Variants in KCNJ6 observed in about 807,000 individuals in gnomAD.
KCNJ6 encodes potassium inwardly rectifying channel subfamily J member 6.
KCNJ6 carries 9 observed loss-of-function variants against 34.2 expected under a neutral mutation model. The observed-to-expected ratio is 0.26, with a 90% CI of 0.16 to 0.46. The LOEUF (loss-of-function observed/expected upper bound fraction) is 0.46. Among genes scored for constraint, KCNJ6 ranks in the 20% least tolerant of loss-of-function variants. The probability of loss-of-function intolerance (pLI) is 1.00; values close to 1 mark genes in which losing one functional copy is unlikely to be tolerated. For missense variants in KCNJ6, 236 were observed against 531.3 expected, an observed-to-expected ratio of 0.44 and a Z score of 5.46; for synonymous variants, 196 against 207.1, an observed-to-expected ratio of 0.95 and a Z score of 0.46.
chr21:37,906,962 A>T (rs2055844667), intron 1 of KCNJ6, among the ~76,000 whole-genome samples: 1 of 152,090 alleles, frequency 6.6e-6, no homozygotes, highest in Non-Finnish European at 1.5e-5. Flanking sequence ...GAAGGAATCT[A>T]CCCCATTCGT....
At chr21:37,878,400 A>T (rs186133470) in intron 1 of KCNJ6, among the ~76,000 whole-genome samples, 3 of 152,226 alleles carry the variant, frequency 2.0e-5, no homozygotes, top group Non-Finnish European at 4.4e-5. Flanking sequence ...CAGAATTGCA[A>T]TGATTTGCTT....
intron 1 of KCNJ6, among the ~76,000 whole-genome samples, chr21:37,912,588 G>T (rs140323639): frequency 6.6e-6 from 1 of 152,200 alleles, no homozygotes; most frequent in Non-Finnish European, 1.5e-5. Context: ...GAACAGCTGC[G>T]TTGTTTAATA....
chr21:37,862,328 G>A (rs2055598712), intron 1 of KCNJ6, among the ~76,000 whole-genome samples: 1 of 152,206 alleles, frequency 6.6e-6, no homozygotes, highest in Non-Finnish European at 1.5e-5. Flanking sequence ...TTTTTGGCAA[G>A]CAGAGAAGTC....
At chr21:37,667,636 C>CG (rs2054522357) in intron 3 of KCNJ6, among the ~76,000 whole-genome samples, 1 of 77,762 alleles carries the variant, frequency 1.3e-5, no homozygotes, top group Non-Finnish European at 3.5e-5. Flanking sequence ...ACCGGGGTAG[C>CG]AGGTCCAGGG....
intron 3 of KCNJ6, among the ~76,000 whole-genome samples, chr21:37,642,022 A>G (rs2054383171): frequency 6.6e-6 from 1 of 152,214 alleles, no homozygotes; most frequent in Non-Finnish European, 1.5e-5. Context: ...TGGTGGTGCC[A>G]CTGGGAATCT....
intron 1 of KCNJ6, among the ~76,000 whole-genome samples, chr21:37,861,100 G>T (rs995849328): frequency 6.6e-6 from 1 of 152,222 alleles, no homozygotes; most frequent in Non-Finnish European, 1.5e-5. Context: ...GGCAGGAGGT[G>T]AGGACTACAT....
intron 2 of KCNJ6, among the ~76,000 whole-genome samples, chr21:37,763,980 CCT>C (rs2055078537): frequency 6.6e-6 from 1 of 152,144 alleles, no homozygotes; most frequent in African/African-American, 2.4e-5. Context: ...TTGTTTTACC[CCT>C]GACTCATCTC....
chr21:37,889,817 G>GCA (rs1169798527), intron 1 of KCNJ6, among the ~76,000 whole-genome samples: 1 of 152,076 alleles, frequency 6.6e-6, no homozygotes, highest in Non-Finnish European at 1.5e-5. Context: ...CCTCTTTTAA[G>GCA]CACACCAGTC....
chr21:37,910,492 A>G (rs1442061376), intron 1 of KCNJ6, among the ~76,000 whole-genome samples: 3 of 152,254 alleles, frequency 2.0e-5, no homozygotes, highest in Non-Finnish European at 4.4e-5. Context: ...CTCACATTGC[A>G]TATAATACCT....
intron 1 of KCNJ6, among the ~76,000 whole-genome samples, chr21:37,913,330 G>A (rs3787871): frequency 1.3e-5 from 2 of 152,142 alleles, no homozygotes; most frequent in Non-Finnish European, 2.9e-5. Context: ...GACTCCTCTC[G>A]GTTTCCTACG....
At chr21:37,911,141 A>G (rs528438612) in intron 1 of KCNJ6, among the ~76,000 whole-genome samples, 1 of 152,314 alleles carries the variant, frequency 6.6e-6, no homozygotes, top group East Asian at 1.9e-4. Context: ...GCCAGAGGAA[A>G]TTCAGAATAC....
At chr21:37,845,162 G>A (rs753922101) in intron 1 of KCNJ6, among the ~76,000 whole-genome samples, 14 of 152,156 alleles carry the variant, frequency 9.2e-5, no homozygotes, top group Non-Finnish European at 1.5e-4. Flanking sequence ...GTATTTTAAG[G>A]TGAAAAAGAC....
chr21:37,634,198 T>A (rs960472449), intron 3 of KCNJ6, among the ~76,000 whole-genome samples: 3 of 152,188 alleles, frequency 2.0e-5, no homozygotes, highest in Non-Finnish European at 4.4e-5. Context: ...GGTGTTTGGG[T>A]CATGGGGTGC....
At chr21:37,869,357 A>G (rs2055638932) in intron 1 of KCNJ6, among the ~76,000 whole-genome samples, 1 of 152,248 alleles carries the variant, frequency 6.6e-6, no homozygotes, top group Non-Finnish European at 1.5e-5. Flanking sequence ...AATTCATAGA[A>G]ATAATCCAAG....
intron 2 of KCNJ6, among the ~76,000 whole-genome samples, chr21:37,721,825 T>C (rs550900000): frequency 1.8e-4 from 27 of 152,318 alleles, no homozygotes; most frequent in Admixed American, 7.2e-4. Context: ...CATTTCAATT[T>C]GTCTTGGGTG....
intron 3 of KCNJ6, among the ~76,000 whole-genome samples, chr21:37,644,287 C>T (rs553766388): frequency 5.9e-5 from 9 of 152,174 alleles, no homozygotes; most frequent in South Asian, 4.2e-4. Flanking sequence ...AGGCTTAATA[C>T]CTGGCTAATA....
In KCNJ6 at chr21:37,688,380, TAAA is replaced by T. The variant is rs397793297; in HGVS notation, c.946+25828_946+25830del. 4.7e-3 allele frequency among the ~76,000 whole-genome samples: 712 copies of T among 151,402 alleles called. 2 individuals are homozygous for T. The highest frequency in any genetic ancestry group is 0.027 in the East Asian group (139 of 5,156). Reference sequence around the variant, plus strand: ...CCGTATTTTAAAAGCATTTTTTTTTTAAAAAATCTACTACATTCTAGATTCTAT... The same window carrying T: ...CCGTATTTTAAAAGCATTTTTTTTTTAAATCTACTACATTCTAGATTCTAT... On this transcript the variant is annotated intron_variant, in intron 3 of 3. Coordinates refer to ENST00000609713, the MANE Select transcript of KCNJ6 (RefSeq NM_002240.5).
At chr21:37,717,024 G>A (rs2054795365) in intron 2 of KCNJ6, 1 of 154,350 alleles carries the variant, frequency 6.5e-6, no homozygotes, top group Non-Finnish European at 1.5e-5. Flanking sequence ...CCGGAGATGG[G>A]ATTTGAGTGC....
chr21:37,781,097 G>A (rs1043659086), intron 2 of KCNJ6, among the ~76,000 whole-genome samples: 1 of 152,170 alleles, frequency 6.6e-6, no homozygotes, highest in Admixed American at 6.5e-5. Context: ...CACGCCGGCT[G>A]CTTCCATCAG....
Sources: gnomAD v4.1 joint callset for allele counts (sites outside exome capture counted in the v4.1 genomes callset) on GRCh38, gnomAD v4.1.1 for gene constraint, MANE v1.5 for transcripts, NCBI Gene and HGNC (gene_info 2026-07-23, HGNC 2026-07-21) for gene names.